C8orf34: variants seen among roughly 807,000 people sequenced by gnomAD.
The protein encoded by C8orf34 is uncharacterized protein C8orf34.
A neutral mutation model predicts 68.3 loss-of-function variants in C8orf34; 65 were observed. That is an observed-to-expected ratio of 0.95 (90% CI 0.78 to 1.17). The LOEUF is 1.17. C8orf34 is among the 50% of genes most tolerant of loss of function. The pLI is 0.00. For missense variants in C8orf34, 664 were observed against 655.4 expected (o/e 1.01, Z -0.14); for synonymous variants, 244 against 241.2 (o/e 1.01, Z -0.11).
chr8:68,359,906 C>G (rs1224226852), intron 1 of C8orf34, among the ~76,000 whole-genome samples: 1 of 152,178 alleles, frequency 6.6e-6, no homozygotes, highest in African/African-American at 2.4e-5. Flanking sequence ...GGAATCTACT[C>G]TAATATCATT....
chr8:68,470,520 A>G (rs990723137), intron 4 of C8orf34, among the ~76,000 whole-genome samples: 1 of 152,136 alleles, frequency 6.6e-6, no homozygotes, highest in African/African-American at 2.4e-5. Context: ...CAGAAGTGTC[A>G]GAGTTCAAGC....
At chr8:68,487,792 T>C (rs1415714524) in intron 4 of C8orf34, among the ~76,000 whole-genome samples, 1 of 152,244 alleles carries the variant, frequency 6.6e-6, no homozygotes, top group African/African-American at 2.4e-5. Context: ...GCTTTGTTTT[T>C]GTTGCATCAT....
At chr8:68,760,254 G>A (rs757214363) in intron 10 of C8orf34, among the ~76,000 whole-genome samples, 1 of 152,038 alleles carries the variant, frequency 6.6e-6, no homozygotes, top group Non-Finnish European at 1.5e-5. Context: ...ATGAAAATGA[G>A]AATCATTTCT....
chr8:68,736,097 C>T (rs542078120), intron 10 of C8orf34, among the ~76,000 whole-genome samples: 10 of 152,238 alleles, frequency 6.6e-5, no homozygotes, highest in African/African-American at 2.4e-4. Flanking sequence ...GAAAATAAAT[C>T]ATCTTTTGTA....
intron 13 of C8orf34, among the ~76,000 whole-genome samples, chr8:68,817,084 C>T (rs1295669095): frequency 1.3e-5 from 2 of 152,114 alleles, no homozygotes; most frequent in Non-Finnish European, 2.9e-5. Flanking sequence ...TATAATGGAT[C>T]AGGAACTACT....
At chr8:68,660,907 G>C (rs542337314) in intron 8 of C8orf34, among the ~76,000 whole-genome samples, 2 of 151,878 alleles carry the variant, frequency 1.3e-5, no homozygotes, top group African/African-American at 2.4e-5. Context: ...AAAAGGGGGG[G>C]GAAAAACAAC....
intron 10 of C8orf34, among the ~76,000 whole-genome samples, chr8:68,725,912 A>AT (rs1433127596): frequency 4.0e-5 from 6 of 151,894 alleles, no homozygotes; most frequent in African/African-American, 1.4e-4. Flanking sequence ...TTTTATTTTT[A>AT]TTTTTTATTT....
At chr8:68,394,698 C>T (rs1330147155) in intron 1 of C8orf34, among the ~76,000 whole-genome samples, 2 of 151,898 alleles carry the variant, frequency 1.3e-5, no homozygotes, top group African/African-American at 4.8e-5. Context: ...ATAATAAGCA[C>T]ATAATTTCTT....
At chr8:68,697,027 CCTTT>C (rs1216102700) in intron 8 of C8orf34, among the ~76,000 whole-genome samples, 3 of 152,100 alleles carry the variant, frequency 2.0e-5, no homozygotes, top group Admixed American at 2.0e-4. Context: ...TTTTCTCCAT[CCTTT>C]AACTTTTAAC....
At chr8:68,650,510 C>T (rs1429870634) in intron 8 of C8orf34, among the ~76,000 whole-genome samples, 1 of 138,354 alleles carries the variant, frequency 7.2e-6, no homozygotes, top group Non-Finnish European at 1.5e-5. Context: ...GACGGAGTCT[C>T]GCTCTGTCGC....
chr8:68,335,911 A>G (rs1236193724), intron 1 of C8orf34, among the ~76,000 whole-genome samples: 1 of 152,036 alleles, frequency 6.6e-6, no homozygotes, highest in Non-Finnish European at 1.5e-5. Flanking sequence ...ACACAGTGAA[A>G]CCACATCTCT....
chr8:68,413,910 T>A (rs994326928), intron 1 of C8orf34, among the ~76,000 whole-genome samples: 15 of 152,366 alleles, frequency 9.8e-5, no homozygotes, highest in Admixed American at 9.2e-4. Flanking sequence ...ACAATTGGAC[T>A]CTACACCTTT....
chr8:68,463,336 A>G (rs1349976527), intron 3 of C8orf34, among the ~76,000 whole-genome samples: 1 of 152,136 alleles, frequency 6.6e-6, no homozygotes, highest in Non-Finnish European at 1.5e-5. Context: ...GACCAGATGG[A>G]TTCACAGCCG....
At chr8:68,336,315 A>G (rs533693739) in intron 1 of C8orf34, among the ~76,000 whole-genome samples, 67 of 152,298 alleles carry the variant, frequency 4.4e-4, no homozygotes, top group African/African-American at 1.6e-3. Context: ...TCAGAGCACA[A>G]TTAAAGAAAG....
At chr8:68,619,975 G>A (rs1818341354) in intron 7 of C8orf34, among the ~76,000 whole-genome samples, 1 of 152,174 alleles carries the variant, frequency 6.6e-6, no homozygotes, top group African/African-American at 2.4e-5. Context: ...GAAATAGTCA[G>A]AGTGAAGAGG....
intron 8 of C8orf34, among the ~76,000 whole-genome samples, chr8:68,693,841 C>T (rs1820751625): frequency 6.6e-6 from 1 of 152,026 alleles, no homozygotes; most frequent in Non-Finnish European, 1.5e-5. Flanking sequence ...GCGTCTGGTA[C>T]AAAGTAAGCC....
chr8:68,807,794 A>G (rs1455099504), intron 12 of C8orf34, among the ~76,000 whole-genome samples: 1 of 152,236 alleles, frequency 6.6e-6, no homozygotes, highest in Non-Finnish European at 1.5e-5. Flanking sequence ...GGTGCAGGGA[A>G]ACTAACAATC....
chr8:68,517,823 T>C (rs1362964589), intron 5 of C8orf34, among the ~76,000 whole-genome samples: 1 of 152,220 alleles, frequency 6.6e-6, no homozygotes, highest in Non-Finnish European at 1.5e-5. Context: ...TTTGAGCCTA[T>C]AGCTAGACAA....
intron 1 of C8orf34, among the ~76,000 whole-genome samples, chr8:68,335,121 T>C (rs1354844640): frequency 1.3e-5 from 2 of 152,182 alleles, no homozygotes; most frequent in Admixed American, 1.3e-4. Flanking sequence ...TGTTATTTAA[T>C]ACATGAAAAG....
Sources: gnomAD v4.1 joint callset for allele counts (sites outside exome capture counted in the v4.1 genomes callset) on GRCh38, gnomAD v4.1.1 for gene constraint, MANE v1.5 for transcripts, NCBI Gene and HGNC (gene_info 2026-07-23, HGNC 2026-07-21) for gene names.